Variants in SATL1 observed in about 807,000 individuals in gnomAD.
SATL1 encodes the protein spermidine/spermine N(1)-acetyltransferase-like protein 1.
Under a neutral mutation model 51.8 loss-of-function variants are expected in SATL1, and 47 were observed. That is an observed-to-expected ratio of 0.91 (90% CI 0.72 to 1.16). SATL1 has a LOEUF of 1.16. Among genes scored for constraint, SATL1 ranks in the 50% most tolerant of loss-of-function variants. SATL1 has a pLI of 0.00. For missense variants in SATL1, 520 were observed against 526.4 expected (o/e 0.99, Z 0.12); for synonymous variants, 176 against 182.4 (o/e 0.97, Z 0.28).
chrX:85,198,783 A>G (rs1244895885), intron 2 of SATL1, among the ~76,000 whole-genome samples: 1 of 110,900 alleles, frequency 9.0e-6, no homozygotes, highest in Non-Finnish European at 1.9e-5. Context: ...TTTAAAAAGT[A>G]CAATTAAATT....
chrX:85,169,201 A>T (rs1231132939), intron 2 of SATL1, among the ~76,000 whole-genome samples: 1 of 112,198 alleles, frequency 8.9e-6, no homozygotes, highest in Non-Finnish European at 1.9e-5. Flanking sequence ...CATTTTGGAC[A>T]TAGGAATGGG....
chrX:85,166,938 T>TAC (rs1315918881), intron 2 of SATL1, among the ~76,000 whole-genome samples: 7 of 75,362 alleles, frequency 9.3e-5, no homozygotes, highest in African/African-American at 5.6e-4. Flanking sequence ...TATATATATG[T>TAC]GTATGTGTGT....
intron 2 of SATL1, chrX:85,218,909 T>A (rs1048671633): frequency 1.8e-5 from 2 of 112,503 alleles, no homozygotes; most frequent in Non-Finnish European, 3.8e-5. Context: ...GATATTTTCA[T>A]GTGTTGTTTT....
chrX:85,092,899 T>C (rs949033711), intron 7 of SATL1: 2 of 322,928 alleles, frequency 6.2e-6, no homozygotes, highest in African/African-American at 5.3e-5. Flanking sequence ...AGCCTGTGTT[T>C]TTGAATAAAA....
At chrX:85,156,032 T>A (rs1926577902) in intron 2 of SATL1, among the ~76,000 whole-genome samples, 1 of 111,518 alleles carries the variant, frequency 9.0e-6, no homozygotes, top group African/African-American at 3.3e-5. Context: ...AATGGTATAA[T>A]TAAGTTGGTA....
chrX:85,179,688 A>G (rs1427704705), intron 2 of SATL1, among the ~76,000 whole-genome samples: 1 of 110,889 alleles, frequency 9.0e-6, no homozygotes, highest in Non-Finnish European at 1.9e-5. Flanking sequence ...ATATTTTCCT[A>G]TATATAGGAT....
At chrX:85,104,175 C>A (rs994179540) in intron 3 of SATL1, among the ~76,000 whole-genome samples, 3 of 111,330 alleles carry the variant, frequency 2.7e-5, no homozygotes, top group African/African-American at 9.8e-5. Context: ...AGATTAGTAA[C>A]CTTGAATGCA....
At chrX:85,131,230 T>C (rs1925788905) in intron 2 of SATL1, among the ~76,000 whole-genome samples, 1 of 111,769 alleles carries the variant, frequency 8.9e-6, no homozygotes, top group Non-Finnish European at 1.9e-5. Context: ...TTGATCTGTC[T>C]AATGTTGACA....
intron 2 of SATL1, among the ~76,000 whole-genome samples, chrX:85,175,162 C>A (rs1364802424): frequency 9.0e-6 from 1 of 111,358 alleles, no homozygotes; most frequent in Non-Finnish European, 1.9e-5. Flanking sequence ...ATTTGTTGGG[C>A]CCCTCTCCAG....
intron 2 of SATL1, among the ~76,000 whole-genome samples, chrX:85,110,231 T>C (rs1925229710): frequency 2.7e-5 from 3 of 111,161 alleles, no homozygotes; most frequent in Non-Finnish European, 5.7e-5. Context: ...TTCCAGGCTT[T>C]TTATTATTAT....
At chrX:85,109,555 C>T (rs748520725) in intron 2 of SATL1, among the ~76,000 whole-genome samples, 10 of 111,223 alleles carry the variant, frequency 9.0e-5, no homozygotes, top group Non-Finnish European at 1.9e-4. Flanking sequence ...GCTGTTTTAG[C>T]CAATTCAAAG....
intron 2 of SATL1, chrX:85,207,889 ATCTG>A (rs1269362986): frequency 6.2e-5 from 7 of 113,011 alleles, no homozygotes; most frequent in Admixed American, 9.4e-5. Context: ...CAGTCCCAGT[ATCTG>A]TCTGTTATTA....
In SATL1 at chrX:85,133,662, T is replaced by A. The variant is rs55838956; in HGVS notation, c.-312-24382A>T. Among the ~76,000 whole-genome samples the A allele has an allele frequency of 8.1e-5, 9 of 111,262 alleles. No homozygotes were observed. In the East Asian group the frequency reaches 2.6e-3, roughly 32 times the overall value. On this transcript the variant is annotated intron_variant, in intron 2 of 7. Coordinates refer to ENST00000644105, the MANE Select transcript of SATL1 (RefSeq NM_001367857.2). ...CTTGCCTTCTGTGGGCTGCACCCAC[T>A]GTCCGACCAGTCCCAATGAGATGAA... is the stretch of plus-strand genomic sequence containing the variant.
At chrX:85,095,328 C>T (rs1371938283) in intron 4 of SATL1, among the ~76,000 whole-genome samples, 1 of 111,305 alleles carries the variant, frequency 9.0e-6, no homozygotes, top group Non-Finnish European at 1.9e-5. Context: ...ACCTCTTGTC[C>T]TCAAAATACT....
intron 2 of SATL1, among the ~76,000 whole-genome samples, chrX:85,221,577 G>A (rs1203205768): frequency 9.0e-6 from 1 of 111,506 alleles, no homozygotes; most frequent in Non-Finnish European, 1.9e-5. Flanking sequence ...TTGACTTTTG[G>A]TTTCTCTTTT....
rs1006464454 is a variant in SATL1 at position 85,093,026 on chromosome X, A to G, written c.1917+159T>C. Reference sequence around the variant, plus strand: ...GACTATAATTCATATACTGTATATGATCATCTGATTTGAAAATCCAGTTTA... The same window carrying G: ...GACTATAATTCATATACTGTATATGGTCATCTGATTTGAAAATCCAGTTTA... On this transcript the variant is annotated intron_variant, in intron 7 of 7. Coordinates refer to ENST00000644105, the MANE Select transcript of SATL1 (RefSeq NM_001367857.2). 14 of 477,157 alleles carry G rather than the reference A, an allele frequency of 2.9e-5. No individual in the cohort carries two copies. In the African/African-American group the frequency reaches 3.4e-4, roughly 12 times the overall value. 39.3% of individuals were successfully genotyped at this position (477,157 alleles called of 1,213,427 possible).
At chrX:85,166,009 A>G in intron 2 of SATL1, among the ~76,000 whole-genome samples, 1 of 111,710 alleles carries the variant, frequency 9.0e-6, no homozygotes, top group South Asian at 3.7e-4. Context: ...CAAGACATAC[A>G]AAAACAAAAA....
chrX:85,217,896 A>AAT (rs1928083756), intron 2 of SATL1, among the ~76,000 whole-genome samples: 1 of 112,068 alleles, frequency 8.9e-6, no homozygotes, highest in South Asian at 3.7e-4. Flanking sequence ...GTGGGCAACA[A>AAT]ATATATATAT....
chrX:85,159,350 T>G (rs1926663247), intron 2 of SATL1, among the ~76,000 whole-genome samples: 1 of 111,863 alleles, frequency 8.9e-6, no homozygotes, highest in African/African-American at 3.3e-5. Context: ...ACACCTAAGT[T>G]CCGCCTCCTC....
Sources: allele counts gnomAD v4.1 joint callset (sites outside exome capture counted in the v4.1 genomes callset), GRCh38; gene constraint gnomAD v4.1.1; transcripts MANE v1.5; gene names NCBI Gene and HGNC (gene_info 2026-07-23, HGNC 2026-07-21).